The following ELF2 variants were observed in gnomAD, a reference collection of about 807,000 sequenced individuals.
The protein encoded by ELF2 is E74 like ETS transcription factor 2.
Under a neutral mutation model 54.8 loss-of-function variants are expected in ELF2, and 11 were observed. The observed-to-expected ratio is 0.20, with a 90% CI of 0.13 to 0.33. The LOEUF is 0.33. Among genes scored for constraint, ELF2 ranks in the 10% least tolerant of loss-of-function variants. ELF2 has a pLI of 1.00. For synonymous variants in ELF2, 203 were observed against 245.1 expected (o/e 0.83, Z 1.61); for missense variants, 513 against 703.0 (o/e 0.73, Z 3.06).
intron 3 of ELF2, among the ~76,000 whole-genome samples, chr4:139,133,879 A>C (rs2148853242): frequency 6.6e-6 from 1 of 152,296 alleles, no homozygotes; most frequent in South Asian, 2.1e-4. Context: ...GGCTATTCTA[A>C]ATTTATTAGT....
chr4:139,077,748 T>C (rs1730516288), intron 4 of ELF2, among the ~76,000 whole-genome samples: 1 of 152,206 alleles, frequency 6.6e-6, no homozygotes, highest in Non-Finnish European at 1.5e-5. Context: ...TTTAACAGTG[T>C]TGTGCAATCA....
intron 3 of ELF2, among the ~76,000 whole-genome samples, chr4:139,135,281 A>ATG (rs1738037372): frequency 8.1e-6 from 1 of 123,262 alleles, no homozygotes; most frequent in African/African-American, 3.2e-5. Flanking sequence ...GTGTGTGTGT[A>ATG]TATATGAATG....
intron 4 of ELF2, chr4:139,115,215 T>C (rs1578837814): frequency 1.9e-6 from 3 of 1,611,216 alleles, no homozygotes; most frequent in East Asian, 2.2e-5. Context: ...TGACCTTCCC[T>C]TGGCGCCTCA....
At chr4:139,134,682 T>G (rs1737944914) in intron 3 of ELF2, among the ~76,000 whole-genome samples, 1 of 151,034 alleles carries the variant, frequency 6.6e-6, no homozygotes, top group African/African-American at 2.4e-5. Flanking sequence ...AGGCTGGTCT[T>G]GAAGTCCTGA....
chr4:139,170,620 C>T (rs1463194532), intron 1 of ELF2, among the ~76,000 whole-genome samples: 3 of 149,450 alleles, frequency 2.0e-5, no homozygotes, highest in Non-Finnish European at 3.0e-5. Flanking sequence ...ATTGGCAGAT[C>T]ATGTATCTAC....
chr4:139,173,525 G>A (rs112780835), intron 1 of ELF2, among the ~76,000 whole-genome samples: 3,313 of 148,008 alleles, frequency 0.022, 86 homozygotes, highest in South Asian at 0.14. Flanking sequence ...TTGGGAGGCC[G>A]AGGCAGGCGG....
chr4:139,096,771 A>C (rs1329979551), intron 4 of ELF2, among the ~76,000 whole-genome samples: 1 of 152,016 alleles, frequency 6.6e-6, no homozygotes, highest in East Asian at 1.9e-4. Flanking sequence ...TGCTTGGCCT[A>C]AACTATAAAA....
chr4:139,151,326 T>A (rs1345250050), intron 1 of ELF2, among the ~76,000 whole-genome samples: 2 of 152,116 alleles, frequency 1.3e-5, no homozygotes, highest in Non-Finnish European at 2.9e-5. Flanking sequence ...GAATTAGTTT[T>A]GACTATATCA....
chr4:139,128,087 T>C (rs867024330), intron 3 of ELF2, among the ~76,000 whole-genome samples: 11 of 151,236 alleles, frequency 7.3e-5, no homozygotes, highest in East Asian at 2.0e-4. Context: ...CTGGGCAACA[T>C]AGGGAGACCC....
rs2148652515 is a variant in ELF2 at position 139,057,543 on chromosome 4, G to A, written c.*1440C>T. ...TTCCTAATCTGTAAAAGGGCTAGAAGAGTAATTGTTCTTTTTAATCCACAA... is the reference window on the plus strand; with the variant it reads ...TTCCTAATCTGTAAAAGGGCTAGAAAAGTAATTGTTCTTTTTAATCCACAA... On this transcript the variant is annotated 3_prime_UTR_variant, in exon 10 of 10. Transcript: ENST00000686138. 1 of 152,290 alleles carries A rather than the reference G, an allele frequency of 6.6e-6. No homozygotes were observed. The highest frequency in any genetic ancestry group is 6.5e-5 in the Admixed American group (1 of 15,298). 9.4% of individuals were successfully genotyped at this position (152,290 alleles called of 1,614,324 possible).
intron 1 of ELF2, among the ~76,000 whole-genome samples, chr4:139,139,839 GGC>G (rs1738533817): frequency 6.6e-6 from 1 of 151,646 alleles, no homozygotes; most frequent in Non-Finnish European, 1.5e-5. Context: ...CTTAGTAAGT[GGC>G]TACAGGTATA....
intron 7 of ELF2, among the ~76,000 whole-genome samples, chr4:139,064,111 C>T (rs572626899): frequency 1.3e-5 from 2 of 152,100 alleles, no homozygotes; most frequent in African/African-American, 2.4e-5. Flanking sequence ...GAGTTCATGA[C>T]CAGCCTGGCC....
chr4:139,139,004 C>T (rs1237593265), intron 2 of ELF2, among the ~76,000 whole-genome samples: 1 of 152,052 alleles, frequency 6.6e-6, no homozygotes, highest in Admixed American at 6.5e-5. Context: ...AATTTTCATA[C>T]AGAGGAAGTA....
At chr4:139,070,438 G>C (rs1352994561) in intron 6 of ELF2, among the ~76,000 whole-genome samples, 1 of 151,944 alleles carries the variant, frequency 6.6e-6, no homozygotes, top group Non-Finnish European at 1.5e-5. Context: ...CTACAGGCAT[G>C]CAACACCACG....
At chr4:139,091,173 G>A (rs953000464) in intron 4 of ELF2, among the ~76,000 whole-genome samples, 16 of 152,080 alleles carry the variant, frequency 1.1e-4, no homozygotes, top group Non-Finnish European at 1.9e-4. Flanking sequence ...CTCGTGATCC[G>A]CCTGGCTCGG....
intron 4 of ELF2, among the ~76,000 whole-genome samples, chr4:139,082,875 T>C (rs887198928): frequency 9.2e-5 from 14 of 152,342 alleles, no homozygotes; most frequent in African/African-American, 3.1e-4. Context: ...CTGCGCTGTC[T>C]GCTATTAAGC....
At chr4:139,143,805 G>C (rs1268282719) in intron 1 of ELF2, among the ~76,000 whole-genome samples, 1 of 151,902 alleles carries the variant, frequency 6.6e-6, no homozygotes, top group Non-Finnish European at 1.5e-5. Flanking sequence ...CTAAAATAAA[G>C]ACTAGAACAT....
intron 1 of ELF2, among the ~76,000 whole-genome samples, chr4:139,163,379 A>T (rs761354817): frequency 1.5e-4 from 23 of 152,156 alleles, no homozygotes; most frequent in Admixed American, 2.0e-4. Context: ...TATAAAAAGG[A>T]CTCAGTAAGC....
chr4:139,071,727 T>C, intron 6 of ELF2, 139 bp downstream of exon 6: 1 of 811,106 alleles, frequency 1.2e-6, no homozygotes, highest in Non-Finnish European at 1.8e-6. Context: ...ATCTCAATGT[T>C]GATTCTTTGA....
Sources: allele counts gnomAD v4.1 joint callset (sites outside exome capture counted in the v4.1 genomes callset), GRCh38; gene constraint gnomAD v4.1.1; transcripts MANE v1.5; gene names NCBI Gene and HGNC (gene_info 2026-07-23, HGNC 2026-07-21).